LRRIQ3: variants seen among roughly 807,000 people sequenced by gnomAD.
LRRIQ3 encodes leucine-rich repeat and IQ domain-containing protein 3.
Under a neutral mutation model 59.3 loss-of-function variants are expected in LRRIQ3, and 75 were observed. The ratio of observed to expected loss-of-function variants is 1.26; its 90% CI spans 1.05 to 1.53. The LOEUF (loss-of-function observed/expected upper bound fraction) is 1.53, where lower values mean the gene tolerates loss of function less well. Ranked by LOEUF, LRRIQ3 falls within the 40% of genes most tolerant of loss-of-function variation. The probability of loss-of-function intolerance (pLI) is 0.00; values close to 1 mark genes in which losing one functional copy is unlikely to be tolerated. For synonymous variants in LRRIQ3, 250 were observed against 231.3 expected (o/e 1.08, Z -0.73); for missense variants, 831 against 710.0 (o/e 1.17, Z -1.94).
chr1:74,043,587 G>A (rs1200408393), intron 6 of LRRIQ3, among the ~76,000 whole-genome samples: 2 of 152,120 alleles, frequency 1.3e-5, no homozygotes, highest in African/African-American at 4.8e-5. Flanking sequence ...AGACTGAGGA[G>A]CCAAAGTGTC....
chr1:74,139,053 T>C (rs1570189516), intron 4 of LRRIQ3, among the ~76,000 whole-genome samples: 2 of 150,408 alleles, frequency 1.3e-5, no homozygotes, highest in African/African-American at 2.5e-5. Context: ...AATGTATTTA[T>C]GTGTATATAT....
In LRRIQ3 at chr1:74,183,630, A is replaced by G; in HGVS notation, c.55T>C (p.Tyr19His). 1.2e-6 allele frequency: 2 copies of G among 1,611,540 alleles called. No homozygotes were observed. The highest frequency in any genetic ancestry group is 1.7e-6 in the Non-Finnish European group (2 of 1,178,438). The change falls in exon 2 of 8, where the codon TAT (tyrosine) becomes CAT (histidine). Residue 19 changes from tyrosine to histidine, a missense_variant. Tyr to His is a moderately conservative substitution (Grantham distance 83). Transcript: ENST00000354431. ...TGACCTTCTCTTATGTTTTCATTATAGTGACTCCATTCTTCATGACTGGTT... is the reference window on the plus strand; with the variant it reads ...TGACCTTCTCTTATGTTTTCATTATGGTGACTCCATTCTTCATGACTGGTT... Reference protein sequence around the residue: ...ELTSHEEWSHYNENIREGQKD... With the variant: ...ELTSHEEWSHHNENIREGQKD...
At chr1:74,134,770 A>C (rs530782073) in intron 4 of LRRIQ3, among the ~76,000 whole-genome samples, 1 of 152,040 alleles carries the variant, frequency 6.6e-6, no homozygotes, top group Admixed American at 6.6e-5. Context: ...AAAAGCAAGA[A>C]AGAAATCAAA....
intron 4 of LRRIQ3, among the ~76,000 whole-genome samples, chr1:74,118,466 A>G (rs1469358095): frequency 6.6e-6 from 1 of 152,130 alleles, no homozygotes; most frequent in Non-Finnish European, 1.5e-5. Flanking sequence ...TTTTCAACAA[A>G]GGACACACAT....
chr1:74,105,440 T>C (rs1264921108), intron 5 of LRRIQ3, among the ~76,000 whole-genome samples: 1 of 151,712 alleles, frequency 6.6e-6, no homozygotes, highest in African/African-American at 2.4e-5. Context: ...TTAGTAGAGA[T>C]GGGGGTCTCA....
At chr1:74,174,385 C>T (rs1649512696) in intron 3 of LRRIQ3, among the ~76,000 whole-genome samples, 1 of 151,330 alleles carries the variant, frequency 6.6e-6, no homozygotes, top group Non-Finnish European at 1.5e-5. Flanking sequence ...TCCCCTCTTC[C>T]TTCCTTCCTG....
intron 5 of LRRIQ3, 66 bp downstream of exon 5, chr1:74,109,328 A>T: frequency 9.2e-7 from 1 of 1,085,570 alleles, no homozygotes; most frequent in Non-Finnish European, 1.3e-6. Context: ...TAATAGCGCT[A>T]CCTAAATCAT....
At chr1:74,029,497 C>G (rs545742800) in intron 7 of LRRIQ3, among the ~76,000 whole-genome samples, 5 of 151,944 alleles carry the variant, frequency 3.3e-5, no homozygotes, top group Non-Finnish European at 5.9e-5. Flanking sequence ...TGCTGGATTA[C>G]GTTTATTGAT....
chr1:74,098,896 T>A (rs1474385506), intron 5 of LRRIQ3, among the ~76,000 whole-genome samples: 3 of 152,076 alleles, frequency 2.0e-5, no homozygotes, highest in Non-Finnish European at 4.4e-5. Flanking sequence ...CTGGGACACA[T>A]TTAAAGCAGT....
chr1:74,141,446 A>T (rs982409358), intron 4 of LRRIQ3, among the ~76,000 whole-genome samples: 1 of 152,002 alleles, frequency 6.6e-6, no homozygotes, highest in East Asian at 1.9e-4. Flanking sequence ...AGAAAAAAAA[A>T]TCAGTTTGCC....
At chr1:74,064,361 A>T (rs1010951491) in intron 6 of LRRIQ3, among the ~76,000 whole-genome samples, 1 of 151,914 alleles carries the variant, frequency 6.6e-6, no homozygotes, top group African/African-American at 2.4e-5. Flanking sequence ...TTACATTACT[A>T]TATGTTATAT....
chr1:74,045,501 A>G (rs1654174601), intron 6 of LRRIQ3, among the ~76,000 whole-genome samples: 2 of 152,160 alleles, frequency 1.3e-5, no homozygotes, highest in African/African-American at 4.8e-5. Flanking sequence ...CACAGCCAAC[A>G]TCATACTGAA....
chr1:74,073,918 T>C (rs982011125), intron 6 of LRRIQ3, among the ~76,000 whole-genome samples: 1 of 152,160 alleles, frequency 6.6e-6, no homozygotes, highest in Non-Finnish European at 1.5e-5. Context: ...ATAAATGTTG[T>C]AAAACAAAAT....
At chr1:74,183,168 A>G in intron 2 of LRRIQ3, 2 of 317,274 alleles carry the variant, frequency 6.3e-6, no homozygotes, top group South Asian at 1.8e-4. Context: ...TACCTAAGGA[A>G]AATTAAGGAA....
chr1:74,161,461 T>C (rs989394243), intron 3 of LRRIQ3, among the ~76,000 whole-genome samples: 10 of 152,076 alleles, frequency 6.6e-5, no homozygotes, highest in Non-Finnish European at 7.4e-5. Context: ...CAAATCTATA[T>C]GTTTGTTAAT....
intron 4 of LRRIQ3, among the ~76,000 whole-genome samples, chr1:74,151,599 G>T (rs1292216148): frequency 6.6e-6 from 1 of 151,964 alleles, no homozygotes; most frequent in Non-Finnish European, 1.5e-5. Context: ...TCCGGGGTGG[G>T]GGGGATGGGC....
chr1:74,037,663 C>G (rs1653913060), intron 7 of LRRIQ3, among the ~76,000 whole-genome samples: 1 of 151,880 alleles, frequency 6.6e-6, no homozygotes, highest in African/African-American at 2.4e-5. Context: ...AAACAAACAA[C>G]AACAACAACA....
intron 4 of LRRIQ3, among the ~76,000 whole-genome samples, chr1:74,142,004 CACAT>C (rs1466949970): frequency 3.3e-5 from 5 of 150,900 alleles, no homozygotes; most frequent in African/African-American, 7.4e-5. Flanking sequence ...CACACACACA[CACAT>C]ATTACACAAA....
intron 4 of LRRIQ3, among the ~76,000 whole-genome samples, chr1:74,144,147 A>G (rs145487530): frequency 6.6e-6 from 1 of 152,028 alleles, no homozygotes; most frequent in African/African-American, 2.4e-5. Flanking sequence ...TTTCTCCTTA[A>G]CAAAGTGCCC....
Sources: allele counts gnomAD v4.1 joint callset (sites outside exome capture counted in the v4.1 genomes callset), GRCh38; gene constraint gnomAD v4.1.1; transcripts MANE v1.5; gene names NCBI Gene and HGNC (gene_info 2026-07-23, HGNC 2026-07-21).